APBA1: variants seen among roughly 807,000 people sequenced by gnomAD.
The protein encoded by APBA1 is amyloid-beta A4 precursor protein-binding family A member 1.
A neutral mutation model predicts 86.6 loss-of-function variants in APBA1; 55 were observed. The observed-to-expected ratio is 0.64, with a 90% confidence interval of 0.51 to 0.80. The LOEUF (loss-of-function observed/expected upper bound fraction) is 0.80. Ranked by LOEUF, APBA1 falls within the 30% of genes least tolerant of loss-of-function variation. APBA1 has a pLI of 0.00. For synonymous variants in APBA1, 511 were observed against 493.9 expected (o/e 1.03, Z -0.46); for missense variants, 1,090 against 1,183.0 (o/e 0.92, Z 1.15).
intron 1 of APBA1, among the ~76,000 whole-genome samples, chr9:69,601,076 G>A (rs981114155): frequency 6.6e-6 from 1 of 151,996 alleles, no homozygotes; most frequent in Non-Finnish European, 1.5e-5. Flanking sequence ...AGTATGTGCA[G>A]CAGATTCACA....
At chr9:69,524,948 A>T (rs10867728) in intron 1 of APBA1, among the ~76,000 whole-genome samples, 112,221 of 152,166 alleles carry the variant, frequency 0.74, 41,695 homozygotes, top group East Asian at 0.91. Context: ...ATAAATGTGG[A>T]TCACCACATA....
chr9:69,466,782 C>CCA (rs1405754471), intron 5 of APBA1, among the ~76,000 whole-genome samples: 1 of 152,192 alleles, frequency 6.6e-6, no homozygotes, highest in African/African-American at 2.4e-5. Flanking sequence ...TTCCACGTTA[C>CCA]CACACAAACA....
At chr9:69,573,326 G>A (rs1837146340) in intron 1 of APBA1, among the ~76,000 whole-genome samples, 2 of 152,220 alleles carry the variant, frequency 1.3e-5, no homozygotes, top group Non-Finnish European at 2.9e-5. Flanking sequence ...GCTGGGTGTG[G>A]TGGCAGGCAC....
intron 11 of APBA1, among the ~76,000 whole-genome samples, chr9:69,434,542 A>G (rs1383838062): frequency 6.6e-6 from 1 of 152,126 alleles, no homozygotes; most frequent in African/African-American, 2.4e-5. Context: ...CCATGCCTCT[A>G]CTAAAAATAC....
At chr9:69,518,902 A>C (rs1016218129) in intron 1 of APBA1, among the ~76,000 whole-genome samples, 28 of 152,240 alleles carry the variant, frequency 1.8e-4, no homozygotes, top group Admixed American at 8.5e-4. Flanking sequence ...GGAGCTACCA[A>C]GTCCACATTC....
At chr9:69,433,679 A>G (rs1188841996) in intron 11 of APBA1, among the ~76,000 whole-genome samples, 1 of 152,172 alleles carries the variant, frequency 6.6e-6, no homozygotes, top group Non-Finnish European at 1.5e-5. Context: ...CTCTCCTAAT[A>G]GGCAAATTAG....
intron 10 of APBA1, among the ~76,000 whole-genome samples, chr9:69,448,340 C>A (rs1449006058): frequency 1.3e-5 from 2 of 152,140 alleles, no homozygotes; most frequent in Non-Finnish European, 2.9e-5. Context: ...TCACAGAGGC[C>A]CAATTAAACC....
chr9:69,581,051 C>T (rs986031496), intron 1 of APBA1, among the ~76,000 whole-genome samples: 1 of 152,072 alleles, frequency 6.6e-6, no homozygotes, highest in African/African-American at 2.4e-5. Flanking sequence ...CAAAGATGGC[C>T]CCAATCAGAG....
chr9:69,476,897 G>A (rs1835456867), intron 2 of APBA1, among the ~76,000 whole-genome samples: 1 of 152,178 alleles, frequency 6.6e-6, no homozygotes, highest in Non-Finnish European at 1.5e-5. Context: ...TGTATAGGAA[G>A]CTCCCAGGTC....
At chr9:69,612,804 C>G (rs757592051) in intron 1 of APBA1, among the ~76,000 whole-genome samples, 1 of 151,866 alleles carries the variant, frequency 6.6e-6, no homozygotes, top group Non-Finnish European at 1.5e-5. Context: ...TTAAAGGTTA[C>G]TTCAAAATAT....
rs138013393 is a variant in APBA1, at chr9:69,446,862, G to A, written c.2181+2722C>T. 8.7e-4 allele frequency among the ~76,000 whole-genome samples: 133 copies of A among 152,310 alleles called. 1 individual carries two copies. In the East Asian group the frequency reaches 9.8e-3, roughly 11 times the overall value. ...TGGAGTCTTAAGGGCCTCAGGAAGC[G>A]CGGCTTGTTCCTGCCCAGGCCCCAT... On this transcript the variant is annotated intron_variant, in intron 10 of 12. Coordinates refer to ENST00000265381, the MANE Select transcript of APBA1 (RefSeq NM_001163.4).
intron 5 of APBA1, among the ~76,000 whole-genome samples, chr9:69,458,743 G>A (rs1368116687): frequency 2.7e-5 from 4 of 150,406 alleles, no homozygotes; most frequent in Non-Finnish European, 5.9e-5. Flanking sequence ...TTAGAACCTT[G>A]GATTATTTGG....
chr9:69,432,953 T>C (rs1834631155), intron 11 of APBA1, among the ~76,000 whole-genome samples: 1 of 152,038 alleles, frequency 6.6e-6, no homozygotes, highest in African/African-American at 2.4e-5. Context: ...TGGGGCTGGG[T>C]AAAAAGGGCC....
In APBA1 at chr9:69,517,296, G is replaced by T; in HGVS notation, c.-69-17C>A. On this transcript the variant is annotated splice_polypyrimidine_tract_variant and intron_variant, in intron 1 of 12. Coordinates refer to ENST00000265381, the MANE Select transcript of APBA1 (RefSeq NM_001163.4). ...TCCACTGGGCTGGAAAAACAAGAAG[G>T]GGAGAGGCTGTCACGTGGTGCAAAC... The T allele has an allele frequency of 1.4e-6, 2 of 1,400,528 alleles. No individual in the cohort carries two copies. Among genetic ancestry groups the T allele is most frequent in the Non-Finnish European group, 9.2e-7 (1 of 1,082,420 alleles). 86.8% of individuals were successfully genotyped at this position (1,400,528 alleles called of 1,614,324 possible). A position where few individuals can be genotyped will look rare whatever the true frequency, so the allele number is the denominator to read the frequency against.
At chr9:69,468,919 C>T (rs550534424) in intron 4 of APBA1, among the ~76,000 whole-genome samples, 1 of 150,728 alleles carries the variant, frequency 6.6e-6, no homozygotes, top group Non-Finnish European at 1.5e-5. Context: ...GGCTGGAGTA[C>T]AGTGGTGTGA....
At chr9:69,600,402 T>C (rs1588387157) in intron 1 of APBA1, among the ~76,000 whole-genome samples, 2 of 152,302 alleles carry the variant, frequency 1.3e-5, no homozygotes, top group Middle Eastern at 3.4e-3. Flanking sequence ...TTTGAAAAGA[T>C]GTAAGCAGAA....
At chr9:69,569,548 C>G (rs1564080049) in intron 1 of APBA1, among the ~76,000 whole-genome samples, 1 of 151,956 alleles carries the variant, frequency 6.6e-6, no homozygotes, top group Non-Finnish European at 1.5e-5. Flanking sequence ...CAATGTCCCA[C>G]ACACAAAGAA....
chr9:69,571,011 G>C (rs1267853293), intron 1 of APBA1, among the ~76,000 whole-genome samples: 1 of 152,124 alleles, frequency 6.6e-6, no homozygotes, highest in Admixed American at 6.5e-5. Context: ...CTCTCAGATA[G>C]GCGTGGATGG....
intron 1 of APBA1, among the ~76,000 whole-genome samples, chr9:69,572,701 C>T (rs1458156746): frequency 6.6e-6 from 1 of 152,128 alleles, no homozygotes; most frequent in Non-Finnish European, 1.5e-5. Context: ...TTTTGTTTGC[C>T]TGTTTATTTC....
Sources: gnomAD v4.1 joint callset for allele counts (sites outside exome capture counted in the v4.1 genomes callset) on GRCh38, gnomAD v4.1.1 for gene constraint, MANE v1.5 for transcripts, NCBI Gene and HGNC (gene_info 2026-07-23, HGNC 2026-07-21) for gene names.